The following CHD9 variants were observed in gnomAD, a reference collection of about 807,000 sequenced individuals.
The protein encoded by CHD9 is chromodomain helicase DNA binding protein 9, also known as ATP-dependent chromatin remodeler CHD9.
A neutral mutation model predicts 316.1 loss-of-function variants in CHD9; 77 were observed. The observed-to-expected ratio is 0.24, with a 90% confidence interval of 0.20 to 0.29. The LOEUF (loss-of-function observed/expected upper bound fraction) is 0.29, where lower values mean the gene tolerates loss of function less well. Ranked by LOEUF, CHD9 falls within the 10% of genes least tolerant of loss-of-function variation. The pLI, the probability that CHD9 is intolerant of heterozygous loss-of-function variation, is 1.00. For synonymous variants in CHD9, 1,129 were observed against 1,158.3 expected, an observed-to-expected ratio of 0.97 and a Z score of 0.51; for missense variants, 2,763 against 3,438.1, an observed-to-expected ratio of 0.80 and a Z score of 4.91.
intron 2 of CHD9, among the ~76,000 whole-genome samples, chr16:53,161,114 A>C (rs2041878839): frequency 6.6e-6 from 1 of 151,768 alleles, no homozygotes; most frequent in African/African-American, 2.4e-5. Context: ...AGAAAAAAAC[A>C]CTCTGTTCTC....
intron 16 of CHD9, among the ~76,000 whole-genome samples, chr16:53,248,530 T>G (rs1299930458): frequency 1.4e-5 from 2 of 146,240 alleles, no homozygotes; most frequent in South Asian, 2.2e-4. Flanking sequence ...TTTTTTGTTT[T>G]TTTTTTTTTT....
At chr16:53,178,483 AGTGTAGTGGCG>A (rs2043247218) in intron 2 of CHD9, among the ~76,000 whole-genome samples, 1 of 119,810 alleles carries the variant, frequency 8.3e-6, no homozygotes, top group Non-Finnish European at 1.6e-5. Flanking sequence ...CCCAGGCTGG[AGTGTAGTGGCG>A]CAAACATGGC....
rs775643486 is a variant in CHD9, at chr16:53,308,755, G to C, written c.7123G>C (p.Gly2375Arg). The C allele has an allele frequency of 6.2e-7, 1 of 1,613,244 alleles. No homozygotes were observed. The highest frequency in any genetic ancestry group is 1.3e-5 in the African/African-American group (1 of 74,878). Reference sequence around the variant, plus strand: ...GAAAAGACCATTTGATGGTGAAGACGGTGCTCTGGGGCAGCAGCAGTACCT... The same window carrying C: ...GAAAAGACCATTTGATGGTGAAGACCGTGCTCTGGGGCAGCAGCAGTACCT... The part of the protein sequence containing the change: ...AQKRPFDGED[G>R]ALGQQQYLTR... Residue 2375 changes from glycine (G) to arginine (R), a missense_variant, in exon 34 of 39, where the codon GGT becomes CGT. By Grantham distance (125) the Gly-to-Arg change is moderately radical. This residue lies in a region of CHD9 where 663 missense variants were observed against 751.2 expected (regional missense o/e 0.88). Coordinates refer to ENST00000447540, the MANE Select transcript of CHD9 (RefSeq NM_001308319.2).
intron 24 of CHD9, among the ~76,000 whole-genome samples, chr16:53,282,790 C>T (rs1326332524): frequency 6.6e-6 from 1 of 152,086 alleles, no homozygotes; most frequent in Non-Finnish European, 1.5e-5. Context: ...TTGACCACTT[C>T]CTTCTTTTTA....
Position 53,156,854 on chromosome 16 carries a change from T to G in CHD9, c.765T>G (p.Pro255=), listed in dbSNP as rs1290282062. 2 of 1,613,626 alleles carry G rather than the reference T, an allele frequency of 1.2e-6. No homozygotes were observed. Among genetic ancestry groups the G allele is most frequent in the East Asian group, 4.5e-5 (2 of 44,888 alleles). ...SSHQEGNFNG[P]SPNMTSCSVS... ...ATCAAGAAGGAAATTTTAATGGACC[T>G]TCCCCAAATATGACTTCTTGTTCTG... The change falls in exon 2 of 39, where the codon CCT becomes CCG. Residue 255 remains proline (P), a synonymous_variant. Transcript: ENST00000447540.
At chr16:53,227,994 G>C (rs1231479035) in intron 7 of CHD9, among the ~76,000 whole-genome samples, 1 of 151,904 alleles carries the variant, frequency 6.6e-6, no homozygotes, top group Non-Finnish European at 1.5e-5. Context: ...GCTGAGGCAG[G>C]AGAATCACTT....
intron 1 of CHD9, among the ~76,000 whole-genome samples, chr16:53,127,053 C>CA (rs1363580457): frequency 6.6e-6 from 1 of 152,116 alleles, no homozygotes; most frequent in Non-Finnish European, 1.5e-5. Flanking sequence ...CTCCTGGGCT[C>CA]AAGTGATCCT....
chr16:53,064,894 A>G (rs916310878), intron 1 of CHD9, among the ~76,000 whole-genome samples: 1 of 152,136 alleles, frequency 6.6e-6, no homozygotes, highest in Admixed American at 6.6e-5. Flanking sequence ...AGCTGAACAC[A>G]GGAGTTGGAG....
intron 24 of CHD9, among the ~76,000 whole-genome samples, chr16:53,278,272 A>G (rs2053060730): frequency 2.0e-5 from 3 of 152,174 alleles, no homozygotes; most frequent in Non-Finnish European, 4.4e-5. Flanking sequence ...TAAAATTCAT[A>G]TGGAATGAAA....
intron 26 of CHD9, among the ~76,000 whole-genome samples, chr16:53,287,066 C>A (rs1375754730): frequency 6.6e-6 from 1 of 152,048 alleles, no homozygotes; most frequent in Non-Finnish European, 1.5e-5. Context: ...CTCTAGTGAT[C>A]CTCCCACTTA....
intron 1 of CHD9, among the ~76,000 whole-genome samples, chr16:53,079,973 G>A (rs964662834): frequency 6.6e-6 from 1 of 152,184 alleles, no homozygotes; most frequent in Non-Finnish European, 1.5e-5. Context: ...ATCTGAGGAG[G>A]GGGGCATGGG....
intron 1 of CHD9, among the ~76,000 whole-genome samples, chr16:53,136,984 T>C (rs1187492740): frequency 6.6e-6 from 1 of 152,038 alleles, no homozygotes; most frequent in Admixed American, 6.5e-5. Context: ...TGTTTTTCTT[T>C]TTTTTTTTGA....
intron 2 of CHD9, among the ~76,000 whole-genome samples, chr16:53,188,064 T>C (rs903890669): frequency 3.3e-5 from 5 of 152,236 alleles, no homozygotes; most frequent in Non-Finnish European, 5.9e-5. Flanking sequence ...TGGATTTGCC[T>C]ATTCTGAACA....
chr16:53,164,980 A>G (rs549840598), intron 2 of CHD9, among the ~76,000 whole-genome samples: 50 of 152,268 alleles, frequency 3.3e-4, no homozygotes, highest in African/African-American at 1.2e-3. Context: ...TTATAAGATT[A>G]TGTGTAAGAT....
chr16:53,239,395 G>A (rs190796601), intron 12 of CHD9, among the ~76,000 whole-genome samples: 4 of 151,854 alleles, frequency 2.6e-5, no homozygotes, highest in Admixed American at 6.6e-5. Flanking sequence ...GACCAGTCTG[G>A]GCAACATAGC....
chr16:53,286,574 T>C (rs917713156), intron 26 of CHD9, among the ~76,000 whole-genome samples: 1 of 152,214 alleles, frequency 6.6e-6, no homozygotes, highest in Non-Finnish European at 1.5e-5. Flanking sequence ...TTTTCATTTC[T>C]TTCATTTTAA....
chr16:53,239,360 G>A (rs1157670798), intron 12 of CHD9, among the ~76,000 whole-genome samples: 1 of 151,992 alleles, frequency 6.6e-6, no homozygotes, highest in African/African-American at 2.4e-5. Flanking sequence ...CGAGGTGGGA[G>A]GATTGCTTGA....
At chr16:53,291,333 A>G (rs1405734386) in intron 27 of CHD9, among the ~76,000 whole-genome samples, 1 of 152,234 alleles carries the variant, frequency 6.6e-6, no homozygotes, top group African/African-American at 2.4e-5. Context: ...AAAGATTTGT[A>G]GGTTACCTAA....
At chr16:53,168,075 T>TA (rs1409783769) in intron 2 of CHD9, among the ~76,000 whole-genome samples, 1 of 151,948 alleles carries the variant, frequency 6.6e-6, no homozygotes, top group East Asian at 1.9e-4. Flanking sequence ...TTTATTTATT[T>TA]TTTTGAGACG....
Sources: gnomAD v4.1 joint callset for allele counts (sites outside exome capture counted in the v4.1 genomes callset) on GRCh38, gnomAD v4.1.1 for gene constraint, gnomAD v4.1.1 regional missense constraint, MANE v1.5 for transcripts, NCBI Gene and HGNC (gene_info 2026-07-23, HGNC 2026-07-21) for gene names.